The following UTS2B variants were observed in gnomAD, a reference collection of about 807,000 sequenced individuals.
The protein encoded by UTS2B is urotensin-2B.
UTS2B carries 21 observed loss-of-function variants against 19.2 expected under a neutral mutation model. That is an observed-to-expected ratio of 1.09 (90% CI 0.78 to 1.58). UTS2B has a LOEUF of 1.58. UTS2B is among the 40% of genes most tolerant of loss of function. The pLI is 0.00. For missense variants in UTS2B, 138 were observed against 130.3 expected, an observed-to-expected ratio of 1.06 and a Z score of -0.29; for synonymous variants, 57 against 50.2, an observed-to-expected ratio of 1.14 and a Z score of -0.58.
At chr3:191,316,537 C>G (rs183432938) in intron 2 of UTS2B, 98 bp from the exon 3 acceptor site, 1 of 150,674 alleles carries the variant, frequency 6.6e-6, no homozygotes, top group Admixed American at 6.5e-5. Context: ...CCTTATCTGA[C>G]CCCACCTACA....
intron 8 of UTS2B, among the ~76,000 whole-genome samples, chr3:191,271,440 G>A (rs1439481067): frequency 1.3e-5 from 2 of 152,074 alleles, no homozygotes; most frequent in African/African-American, 4.8e-5. Context: ...CTTCTTCCTT[G>A]GCAATACTTG....
intron 2 of UTS2B, among the ~76,000 whole-genome samples, chr3:191,326,054 C>T (rs890770908): frequency 6.6e-6 from 1 of 152,150 alleles, no homozygotes; most frequent in Non-Finnish European, 1.5e-5. Context: ...CTAGGAAGCA[C>T]TGGGGGCCAA....
chr3:191,301,343 C>T (rs1716993270), intron 4 of UTS2B, among the ~76,000 whole-genome samples: 2 of 152,186 alleles, frequency 1.3e-5, no homozygotes, highest in South Asian at 4.1e-4. Context: ...ACTACCTTGT[C>T]TTCCACAAGT....
At chr3:191,337,723 T>C in the UTS2B span, among the ~76,000 whole-genome samples, 15 of 152,152 alleles carry the variant, frequency 9.9e-5, no homozygotes, top group African/African-American at 3.4e-4. Flanking sequence ...AGAAATCTTA[T>C]GTAAAGTAAG....
At chr3:191,338,418 C>T in the UTS2B span, among the ~76,000 whole-genome samples, 1 of 152,308 alleles carries the variant, frequency 6.6e-6, no homozygotes, top group African/African-American at 2.4e-5. Flanking sequence ...TAATGGTCCA[C>T]GTTCTTCCCA....
chr3:191,268,682 C>T (rs1396238338), intron 8 of UTS2B, among the ~76,000 whole-genome samples: 1 of 152,180 alleles, frequency 6.6e-6, no homozygotes, highest in East Asian at 1.9e-4. Context: ...GTGACTACCA[C>T]AATGGACAGT....
chr3:191,276,704 T>A lies in UTS2B; in HGVS notation c.240+103A>T, dbSNP rs1462872736. On this transcript the variant is annotated intron_variant, in intron 7 of 8. Transcript: ENST00000340524. ...CTTTGTTTAGCAGGAATAAAAGTTT[T>A]ACATTGTAGTATTAATAATTTATTT... 9 of 976,654 alleles carry A rather than the reference T, an allele frequency of 9.2e-6. No homozygotes were observed. In the East Asian group the frequency reaches 2.4e-4, roughly 26 times the overall value. 60.5% of individuals were successfully genotyped at this position (976,654 alleles called of 1,614,324 possible).
rs112961570 is a variant in UTS2B at position 191,329,971 on chromosome 3, A to G, written c.-665+443T>C. ...GGGGGGGGGGGCTAGCAGCAGCCCC[A>G]GCAAGTAGGTGGCTGTGCCCGTGTT... is the stretch of plus-strand genomic sequence containing the variant. On this transcript the variant is annotated intron_variant, in intron 1 of 8. Transcript: ENST00000340524. 0.031 allele frequency among the ~76,000 whole-genome samples: 4,219 copies of G among 134,700 alleles called. 228 individuals carry two copies. The highest frequency in any genetic ancestry group is 0.11 in the African/African-American group (4,011 of 37,878). 88.4% of individuals were successfully genotyped at this position (134,700 alleles called of 152,430 possible). A position where few individuals can be genotyped will look rare whatever the true frequency, so the allele number is the denominator to read the frequency against.
At chr3:191,314,914 A>T (rs1229427726) in intron 3 of UTS2B, among the ~76,000 whole-genome samples, 1 of 152,152 alleles carries the variant, frequency 6.6e-6, no homozygotes, top group Non-Finnish European at 1.5e-5. Flanking sequence ...GCCTTGCCCT[A>T]CGCATCTCAT....
intron 7 of UTS2B, 128 bp from the exon 8 acceptor site, chr3:191,275,473 G>A (rs369838621): frequency 2.0e-4 from 132 of 656,624 alleles, no homozygotes; most frequent in African/African-American, 1.5e-3. Context: ...GAGGTCAGGC[G>A]ATCAAGACCA....
intron 4 of UTS2B, among the ~76,000 whole-genome samples, chr3:191,299,651 G>A (rs1716942298): frequency 1.3e-5 from 2 of 152,256 alleles, no homozygotes; most frequent in Admixed American, 6.5e-5. Flanking sequence ...CTCTACTAAA[G>A]CAGTGCAGAG....
chr3:191,299,207 G>GT (rs1316334914), intron 4 of UTS2B, among the ~76,000 whole-genome samples: 1 of 152,228 alleles, frequency 6.6e-6, no homozygotes, highest in Non-Finnish European at 1.5e-5. Flanking sequence ...TTTTAAGGCA[G>GT]TTACAGGAAT....
In UTS2B at chr3:191,267,577, G is replaced by T. The variant is rs1576909426; in HGVS notation, c.*839C>A. 2.6e-5 allele frequency: 4 copies of T among 152,166 alleles called. No homozygotes were observed. The highest frequency in any genetic ancestry group is 2.6e-4 in the Admixed American group (4 of 15,276). 9.4% of individuals were successfully genotyped at this position (152,166 alleles called of 1,614,324 possible). A position where few individuals can be genotyped will look rare whatever the true frequency, so the allele number is the denominator to read the frequency against. ...ACAAGATAGTGAAAGCTGGGTCCAGGGGGGTCACCACCTTCTGGTCCCATG... is the reference window on the plus strand; with the variant it reads ...ACAAGATAGTGAAAGCTGGGTCCAGTGGGGTCACCACCTTCTGGTCCCATG... On this transcript the variant is annotated 3_prime_UTR_variant, in exon 9 of 9. Coordinates refer to ENST00000340524, the MANE Select transcript of UTS2B (RefSeq NM_198152.5).
At chr3:191,275,163 A>G (rs1279598172) in intron 8 of UTS2B, 89 bp downstream of exon 8, 1 of 978,892 alleles carries the variant, frequency 1.0e-6, no homozygotes, top group African/African-American at 1.6e-5. Flanking sequence ...TAAGATTAAG[A>G]AATGCCAACT....
the UTS2B span, among the ~76,000 whole-genome samples, chr3:191,340,896 T>C: frequency 2.1e-4 from 32 of 152,324 alleles, no homozygotes; most frequent in Admixed American, 2.0e-3. Context: ...CGTGCAGTGG[T>C]GCAGTCATAG....
At position 191,271,200 on chromosome 3, in the gene UTS2B, C is replaced by CAAAA. The variant is rs66756396; in HGVS notation, c.335-2763_335-2760dup. Among the ~76,000 whole-genome samples the CAAAA allele has an allele frequency of 8.1e-4, 43 of 52,764 alleles. 2 individuals carry two copies. Among genetic ancestry groups the CAAAA allele is most frequent in the African/African-American group, 2.9e-3 (40 of 13,908 alleles). The allele number at this position is 52,764 out of a possible 152,430, so 34.6% of individuals were successfully genotyped here. ...GCCTGGTGACAGAGTGAGACTCTCT[C>CAAAA]AAAAAAAAAAAAAAAAAAAAAAAAA... On this transcript the variant is annotated intron_variant, in intron 8 of 8. Coordinates refer to ENST00000340524, the MANE Select transcript of UTS2B (RefSeq NM_198152.5).
intron 2 of UTS2B, among the ~76,000 whole-genome samples, chr3:191,322,886 A>G (rs1055291163): frequency 4.6e-5 from 7 of 152,188 alleles, no homozygotes; most frequent in African/African-American, 1.7e-4. Flanking sequence ...CCCACCTCCA[A>G]CCTCCTTTCC....
rs1716248186 is a variant in UTS2B, at chr3:191,276,823, A to C, written c.224T>G (p.Leu75Arg). 1 of 1,612,352 alleles carries C rather than the reference A, an allele frequency of 6.2e-7. No individual in the cohort carries two copies. The highest frequency in any genetic ancestry group is 8.5e-7 in the Non-Finnish European group (1 of 1,179,364). The part of the protein sequence containing the change: ...FNTDLALPNK[L>R]EELNQLEKLK... ...CATTCTCACCTGGTTAAGTTCTTCC[A>C]GTTTGTTAGGTAAGGCTAGGTCTGC... Residue 75 changes from leucine (L) to arginine (R), a missense_variant, in exon 7 of 9, where the codon CTG (leucine) becomes CGG (arginine). Coordinates refer to ENST00000340524, the MANE Select transcript of UTS2B (RefSeq NM_198152.5).
At chr3:191,341,171 A>C in the UTS2B span, among the ~76,000 whole-genome samples, 1 of 152,166 alleles carries the variant, frequency 6.6e-6, no homozygotes, top group East Asian at 1.9e-4. Context: ...GACTAGATCT[A>C]TGTTAATCAG....
Sources: gnomAD v4.1 joint callset for allele counts (sites outside exome capture counted in the v4.1 genomes callset) on GRCh38, gnomAD v4.1.1 for gene constraint, MANE v1.5 for transcripts, NCBI Gene and HGNC (gene_info 2026-07-23, HGNC 2026-07-21) for gene names.